Variants in CLCN3 observed in about 807,000 individuals in gnomAD.
The protein encoded by CLCN3 is Cl-/H+ antiporter 3.
In CLCN3, 16 loss-of-function variants were observed where a neutral mutation model predicts 83.4. That is an observed-to-expected ratio of 0.19 (90% CI 0.13 to 0.29). CLCN3 has a LOEUF of 0.29. Ranked by LOEUF, CLCN3 falls within the 10% of genes least tolerant of loss-of-function variation. CLCN3 has a pLI of 1.00. For synonymous variants in CLCN3, 322 were observed against 346.2 expected (o/e 0.93, Z 0.78); for missense variants, 544 against 1,006.0 (o/e 0.54, Z 6.21).
intron 1 of CLCN3, among the ~76,000 whole-genome samples, chr4:169,632,716 CAAAAAAAAAAA>C (rs559919032): frequency 3.3e-3 from 106 of 32,300 alleles, no homozygotes; most frequent in African/African-American, 0.013. Context: ...GACTCCATCT[CAAAAAAAAAAA>C]AAAAAAAAAA....
intron 2 of CLCN3, among the ~76,000 whole-genome samples, chr4:169,651,236 C>T (rs1377005784): frequency 2.0e-5 from 3 of 152,142 alleles, no homozygotes; most frequent in African/African-American, 7.2e-5. Context: ...CTTCACTCTA[C>T]CTTTCTCACC....
intron 2 of CLCN3, among the ~76,000 whole-genome samples, chr4:169,679,039 C>T (rs1401399626): frequency 1.3e-5 from 2 of 148,296 alleles, no homozygotes; most frequent in Non-Finnish European, 3.0e-5. Context: ...CGGGCGGGGG[C>T]GCCCCCCACC....
At chr4:169,626,346 C>T (rs941553236) in intron 1 of CLCN3, among the ~76,000 whole-genome samples, 1 of 152,232 alleles carries the variant, frequency 6.6e-6, no homozygotes, top group African/African-American at 2.4e-5. Context: ...TGAATCCACT[C>T]CTTTTGGGTT....
intron 2 of CLCN3, among the ~76,000 whole-genome samples, chr4:169,661,908 C>T (rs1465207343): frequency 6.6e-6 from 1 of 152,030 alleles, no homozygotes; most frequent in Non-Finnish European, 1.5e-5. Context: ...AGTGACTGTT[C>T]AAATGTCACA....
At chr4:169,702,797 A>AAAG in intron 9 of CLCN3, 1 of 312,394 alleles carries the variant, frequency 3.2e-6, no homozygotes, top group Non-Finnish European at 6.5e-6. Flanking sequence ...AAAAAAAAAA[A>AAAG]GAAAGCCAGG....
intron 11 of CLCN3, 88 bp downstream of exon 11, chr4:169,707,354 A>G (rs370474546): frequency 2.0e-6 from 2 of 1,018,110 alleles, no homozygotes; most frequent in Admixed American, 2.4e-5. Context: ...AATGGGTTGG[A>G]TTTGTGGGGG....
chr4:169,712,160 G>A (rs1018842566), intron 11 of CLCN3, among the ~76,000 whole-genome samples: 1 of 151,858 alleles, frequency 6.6e-6, no homozygotes, highest in Non-Finnish European at 1.5e-5. Flanking sequence ...ACCATGGCCG[G>A]CCAAAATATT....
intron 11 of CLCN3, among the ~76,000 whole-genome samples, chr4:169,711,301 AT>A (rs1733204458): frequency 6.6e-6 from 1 of 152,218 alleles, no homozygotes; most frequent in Non-Finnish European, 1.5e-5. Context: ...AAGCAACTTA[AT>A]GGGTATTTTT....
intron 2 of CLCN3, among the ~76,000 whole-genome samples, chr4:169,639,008 A>G (rs1302616271): frequency 1.3e-5 from 2 of 152,144 alleles, no homozygotes; most frequent in South Asian, 2.1e-4. Context: ...TGGAATGACT[A>G]TAGCGTAGGC....
In CLCN3 at chr4:169,721,354, G is replaced by A. The variant is rs1197805942; in HGVS notation, c.*1357G>A. 1.3e-5 allele frequency: 2 copies of A among 152,164 alleles called. No homozygotes were observed. The highest frequency in any genetic ancestry group is 4.8e-5 in the African/African-American group (2 of 41,430). The allele number at this position is 152,164 out of a possible 1,614,324, so 9.4% of individuals were successfully genotyped here. A position where few individuals can be genotyped will look rare whatever the true frequency, so the allele number is the denominator to read the frequency against. ...AAAAAAAGGTTGTGGTTCTCTCTCT[G>A]TGATCCAGTGTGCACATAAACCTTT... On this transcript the variant is annotated 3_prime_UTR_variant, in exon 13 of 13. Coordinates refer to ENST00000513761, the MANE Select transcript of CLCN3 (RefSeq NM_001829.4).
intron 7 of CLCN3, among the ~76,000 whole-genome samples, chr4:169,693,082 A>G (rs1169929791): frequency 4.6e-5 from 7 of 152,172 alleles, no homozygotes; most frequent in Non-Finnish European, 1.0e-4. Context: ...TTTTTAAGAT[A>G]TGATTTTTTG....
At chr4:169,717,511 T>C (rs1733471733) in intron 12 of CLCN3, among the ~76,000 whole-genome samples, 1 of 152,196 alleles carries the variant, frequency 6.6e-6, no homozygotes, top group Non-Finnish European at 1.5e-5. Flanking sequence ...CTTTGCTTTG[T>C]AGTCATCTTC....
intron 2 of CLCN3, among the ~76,000 whole-genome samples, chr4:169,679,076 C>A (rs76179196): frequency 0.03 from 4,555 of 150,162 alleles, 129 homozygotes; most frequent in African/African-American, 0.08. Context: ...CGGGCGGAGA[C>A]GCTCCTCACT....
At chr4:169,697,970 T>A (rs1281477345) in intron 9 of CLCN3, among the ~76,000 whole-genome samples, 1 of 152,254 alleles carries the variant, frequency 6.6e-6, no homozygotes, top group African/African-American at 2.4e-5. Context: ...TATTTTGTTC[T>A]TGATATTGAG....
At chr4:169,709,854 A>G (rs1733142092) in intron 11 of CLCN3, among the ~76,000 whole-genome samples, 1 of 152,066 alleles carries the variant, frequency 6.6e-6, no homozygotes, top group Non-Finnish European at 1.5e-5. Flanking sequence ...ATATTTTTAA[A>G]TGGGAGGCCA....
At chr4:169,683,372 A>G (rs1246122619) in intron 3 of CLCN3, among the ~76,000 whole-genome samples, 2 of 152,154 alleles carry the variant, frequency 1.3e-5, no homozygotes, top group African/African-American at 2.4e-5. Context: ...TCTTGCGCCT[A>G]TAGTCCTAGC....
intron 1 of CLCN3, among the ~76,000 whole-genome samples, chr4:169,628,291 A>G (rs1163187139): frequency 2.6e-5 from 4 of 152,242 alleles, no homozygotes; most frequent in Non-Finnish European, 4.4e-5. Context: ...TACTCCTTAA[A>G]GGCAAAATTG....
rs941973100 is a variant in CLCN3 at position 169,620,919 on chromosome 4, CTT to C, written c.-158_-157del. On this transcript the variant is annotated 5_prime_UTR_variant, in exon 1 of 13. The change creates a premature stop within an existing upstream ORF in the 5' untranslated region. Coordinates refer to ENST00000513761, the MANE Select transcript of CLCN3 (RefSeq NM_001829.4). ...CTCTGCGGTAGAAAACGTCAGGTATCTTTTAAATCGCGATAGTTTTCGCTGTG... is the reference window on the plus strand; with the variant it reads ...CTCTGCGGTAGAAAACGTCAGGTATCTTAAATCGCGATAGTTTTCGCTGTG... 2 of 398,370 alleles carry C rather than the reference CTT, an allele frequency of 5.0e-6. No homozygotes were observed. The highest frequency in any genetic ancestry group is 4.1e-5 in the African/African-American group (2 of 48,576). 24.7% of individuals were successfully genotyped at this position (398,370 alleles called of 1,614,324 possible). A position where few individuals can be genotyped will look rare whatever the true frequency, so the allele number is the denominator to read the frequency against.
At chr4:169,719,380 C>T (rs935684141) in intron 12 of CLCN3, among the ~76,000 whole-genome samples, 9 of 152,156 alleles carry the variant, frequency 5.9e-5, no homozygotes, top group African/African-American at 1.7e-4. Context: ...TTGCTTGAAC[C>T]GGGGACCCAG....
Sources: allele counts gnomAD v4.1 joint callset (sites outside exome capture counted in the v4.1 genomes callset), GRCh38; gene constraint gnomAD v4.1.1; transcripts MANE v1.5; gene names NCBI Gene and HGNC (gene_info 2026-07-23, HGNC 2026-07-21).